Variants in EDRF1 observed in about 807,000 individuals in gnomAD.
EDRF1 encodes the protein erythroid differentiation regulatory factor 1.
A neutral mutation model predicts 148.7 loss-of-function variants in EDRF1; 69 were observed. The observed-to-expected ratio is 0.46, with a 90% CI of 0.38 to 0.57. EDRF1 has a LOEUF of 0.57. EDRF1 is among the 20% of genes least tolerant of loss of function. EDRF1 has a pLI of 0.00. For synonymous variants in EDRF1, 515 were observed against 532.8 expected (o/e 0.97, Z 0.46); for missense variants, 1,118 against 1,478.7 (o/e 0.76, Z 4.00).
At position 125,729,460 on chromosome 10, in the gene EDRF1, G is replaced by A; in HGVS notation, c.997G>A (p.Ala333Thr). The A allele has an allele frequency of 6.2e-7, 1 of 1,614,158 alleles. No homozygotes were observed. The highest frequency in any genetic ancestry group is 8.5e-7 in the Non-Finnish European group (1 of 1,180,022). ...CATATTTGGAGGAGGCAGATACCCAGCAGTCAGCTTACGTCTCAGGTGAAC... is the reference window on the plus strand; with the variant it reads ...CATATTTGGAGGAGGCAGATACCCAACAGTCAGCTTACGTCTCAGGTGAAC... The part of the protein sequence containing the change: ...MPIFGGGRYP[A>T]VSLRLRDNNK... Residue 333 changes from alanine (A) to threonine (T), a missense_variant, in exon 8 of 25, where the codon GCA becomes ACA. Coordinates refer to ENST00000356792, the MANE Select transcript of EDRF1 (RefSeq NM_001202438.2).
At chr10:125,746,258 A>G (rs1455764822) in intron 19 of EDRF1, among the ~76,000 whole-genome samples, 8 of 152,370 alleles carry the variant, frequency 5.3e-5, no homozygotes, top group African/African-American at 1.9e-4. Flanking sequence ...CTTATATGAT[A>G]GGTTACAGAA....
chr10:125,746,504 C>A (rs912295861), intron 19 of EDRF1, among the ~76,000 whole-genome samples: 18 of 152,058 alleles, frequency 1.2e-4, no homozygotes, highest in Admixed American at 7.9e-4. Flanking sequence ...AGCAAATAAC[C>A]TTGAACAGAA....
At chr10:125,733,378 G>A in intron 9 of EDRF1, 26 bp from the exon 10 acceptor site, 2 of 1,540,682 alleles carry the variant, frequency 1.3e-6, no homozygotes, top group South Asian at 1.2e-5. Context: ...CTCTTAAACT[G>A]CTTTCCATCT....
At position 125,753,552 on chromosome 10, in the gene EDRF1, T is replaced by C; in HGVS notation, c.3394-142T>C. 4 of 877,614 alleles carry C rather than the reference T, an allele frequency of 4.6e-6. No homozygotes were observed. In the South Asian group the frequency reaches 5.7e-5, roughly 13 times the overall value. 54.4% of individuals were successfully genotyped at this position (877,614 alleles called of 1,614,324 possible). A position where few individuals can be genotyped will look rare whatever the true frequency, so the allele number is the denominator to read the frequency against. On this transcript the variant is annotated intron_variant, in intron 23 of 24. Coordinates refer to ENST00000356792, the MANE Select transcript of EDRF1 (RefSeq NM_001202438.2). The stretch of plus-strand genomic sequence containing the variant: ...TATGTGTTTTAGTCTATCAAAATGA[T>C]CATAGGTGTGCTTTTTGTTTGTTTG...
chr10:125,755,637 T>TCAAA (rs1849869127), intron 24 of EDRF1, among the ~76,000 whole-genome samples: 1 of 152,236 alleles, frequency 6.6e-6, no homozygotes. Flanking sequence ...TTTACTTTGT[T>TCAAA]GGAAGTTTTT....
chr10:125,746,367 AAAAT>A (rs1849355530), intron 19 of EDRF1, among the ~76,000 whole-genome samples: 1 of 152,226 alleles, frequency 6.6e-6, no homozygotes, highest in African/African-American at 2.4e-5. Flanking sequence ...AAATGTATAA[AAAAT>A]AAAGATCTAA....
intron 17 of EDRF1, among the ~76,000 whole-genome samples, chr10:125,741,841 C>T (rs764614785): frequency 3.3e-5 from 5 of 152,020 alleles, no homozygotes; most frequent in Non-Finnish European, 7.4e-5. Flanking sequence ...CTAGTACATG[C>T]GCCACCACAC....
intron 24 of EDRF1, among the ~76,000 whole-genome samples, chr10:125,757,650 TGA>T (rs1849976254): frequency 6.6e-6 from 1 of 152,232 alleles, no homozygotes; most frequent in African/African-American, 2.4e-5. Context: ...TCTTTTCAAT[TGA>T]GAGAGTTTTT....
chr10:125,743,840 C>T (rs1849168976), intron 18 of EDRF1, among the ~76,000 whole-genome samples: 1 of 151,944 alleles, frequency 6.6e-6, no homozygotes, highest in African/African-American at 2.4e-5. Context: ...TGCAAGTGTA[C>T]GTTTAGAGGG....
At position 125,729,088 on chromosome 10, in the gene EDRF1, AC is replaced by A; in HGVS notation, c.879del (p.Asp293GlufsTer56). The A allele has an allele frequency of 6.4e-7, 1 of 1,568,614 alleles. No individual in the cohort carries two copies. The highest frequency in any genetic ancestry group is 1.8e-5 in the Admixed American group (1 of 55,410). On this transcript the variant is annotated frameshift_variant, in exon 7 of 25. Transcript: ENST00000356792. LOFTEE classifies it high-confidence loss of function. ...CAAAACCTGATTACTTTATTCAATG[AC>A]GGGGAGCACAGTCAGGTATGCTTTC... ...KEQNLITLFN[D>X]GEHSQGLKND...
intron 19 of EDRF1, chr10:125,747,281 A>C: frequency 2.0e-6 from 1 of 498,012 alleles, no homozygotes. Flanking sequence ...CTGAGTCAGA[A>C]AGCAGCAGCA....
In EDRF1 at chr10:125,733,830, T is replaced by C. The variant is rs1306453640; in HGVS notation, c.1385+87T>C. 2.4e-6 allele frequency: 3 copies of C among 1,260,950 alleles called. No homozygotes were observed. In the African/African-American group the frequency reaches 4.5e-5, roughly 19 times the overall value. 78.1% of individuals were successfully genotyped at this position (1,260,950 alleles called of 1,614,324 possible). A position where few individuals can be genotyped will look rare whatever the true frequency, so the allele number is the denominator to read the frequency against. ...AGTCACAGTTTCCAAACCAAGGCTT[T>C]TAAATGCTTTTAGGTTTTCATAGTA... On this transcript the variant is annotated intron_variant, in intron 11 of 24. Coordinates refer to ENST00000356792, the MANE Select transcript of EDRF1 (RefSeq NM_001202438.2).
intron 22 of EDRF1, 96 bp downstream of exon 22, chr10:125,749,661 T>TA: frequency 6.9e-7 from 1 of 1,450,960 alleles, no homozygotes; most frequent in Non-Finnish European, 9.5e-7. Flanking sequence ...ATAATACTAT[T>TA]TTCTTTTTAA....
chr10:125,748,130 G>C (rs1319203014), intron 21 of EDRF1, 118 bp downstream of exon 21: 2 of 1,261,748 alleles, frequency 1.6e-6, no homozygotes, highest in African/African-American at 1.5e-5. Flanking sequence ...GTGAACTGCT[G>C]TCCTAAATTT....
rs772694413 is a variant in EDRF1, at chr10:125,749,400, G to T, written c.3124-12G>T. ...CGTGAAGGATTTGTTGCTTGTTTTG[G>T]TTTGGTTCTAGGTTGGTGATGAACA... is the stretch of plus-strand genomic sequence containing the variant. On this transcript the variant is annotated splice_polypyrimidine_tract_variant and intron_variant, in intron 21 of 24. Coordinates refer to ENST00000356792, the MANE Select transcript of EDRF1 (RefSeq NM_001202438.2). 12 of 1,614,062 alleles carry T rather than the reference G, an allele frequency of 7.4e-6. No individual in the cohort carries two copies. The East Asian group carries it at 2.2e-4, about 30-fold the overall frequency.
At chr10:125,733,313 G>C (rs996377528) in intron 9 of EDRF1, 91 bp from the exon 10 acceptor site, 1 of 1,009,982 alleles carries the variant, frequency 9.9e-7, no homozygotes, top group Non-Finnish European at 1.5e-6. Flanking sequence ...TCTGTTTGCA[G>C]GACTTCTGCA....
intron 17 of EDRF1, chr10:125,742,259 G>A (rs1033657018): frequency 5.4e-6 from 7 of 1,289,362 alleles, no homozygotes; most frequent in Non-Finnish European, 7.1e-6. Context: ...ATCCGCAGCA[G>A]CGATATCCCT....
chr10:125,740,241 G>A (rs1277794250), intron 15 of EDRF1, among the ~76,000 whole-genome samples: 2 of 152,206 alleles, frequency 1.3e-5, no homozygotes, highest in Non-Finnish European at 2.9e-5. Context: ...GAGAATGACA[G>A]AGTTGCCGAT....
rs1488507924 is a variant in EDRF1 at position 125,747,701 on chromosome 10, A to G, written c.2973+7A>G. ...TAGAAAAGCTCAGGAGCAGGTGATA[A>G]TATTTGCTGGAGTATAAAATAAGTT... On this transcript the variant is annotated splice_region_variant and intron_variant, in intron 20 of 24. Coordinates refer to ENST00000356792, the MANE Select transcript of EDRF1 (RefSeq NM_001202438.2). 6 of 1,614,024 alleles carry G rather than the reference A, an allele frequency of 3.7e-6. No individual in the cohort carries two copies. Among genetic ancestry groups the G allele is most frequent in the Non-Finnish European group, 5.1e-6 (6 of 1,180,006 alleles).
Sources: gnomAD v4.1 joint callset for allele counts (sites outside exome capture counted in the v4.1 genomes callset) on GRCh38, gnomAD v4.1.1 for gene constraint, MANE v1.5 for transcripts, NCBI Gene and HGNC (gene_info 2026-07-23, HGNC 2026-07-21) for gene names.